The following GSN variants were observed in gnomAD, a reference collection of about 807,000 sequenced individuals.
The protein encoded by GSN is gelsolin.
GSN carries 56 observed loss-of-function variants against 85.7 expected under a neutral mutation model. The ratio of observed to expected loss-of-function variants is 0.65; its 90% confidence interval spans 0.53 to 0.82. The LOEUF (loss-of-function observed/expected upper bound fraction) is 0.82, where lower values mean the gene tolerates loss of function less well. Among genes scored for constraint, GSN ranks in the 40% least tolerant of loss-of-function variants. The pLI is 0.00. For synonymous variants in GSN, 373 were observed against 399.1 expected, an observed-to-expected ratio of 0.93 and a Z score of 0.78; for missense variants, 857 against 979.8, an observed-to-expected ratio of 0.87 and a Z score of 1.67.
Position 121,312,386 on chromosome 9 carries a change from G to A in GSN, c.561G>A (p.Leu187=). 6.2e-7 allele frequency: 1 copy of A among 1,614,120 alleles called. No homozygotes were observed. The highest frequency in any genetic ancestry group is 8.5e-7 in the Non-Finnish European group (1 of 1,179,972). Residue 187 remains leucine, a synonymous_variant, in exon 6 of 18, where the codon CTG becomes CTA. Coordinates refer to ENST00000432226, the MANE Select transcript of GSN (RefSeq NM_198252.3). ...CGSNSNRYER[L]KATQVSKGIR... ...CCAACAGCAATCGGTATGAAAGACT[G>A]AAGGCCACACAGGTGTCCAAGGGCA...
intron 4 of GSN, among the ~76,000 whole-genome samples, chr9:121,229,745 T>C (rs2054351105): frequency 6.6e-6 from 1 of 152,246 alleles, no homozygotes; most frequent in African/African-American, 2.4e-5. Context: ...ATTGTAAAGT[T>C]ACCTATTTAT....
intron 2 of GSN, among the ~76,000 whole-genome samples, chr9:121,293,259 T>C (rs143094188): frequency 5.9e-5 from 9 of 152,268 alleles, no homozygotes; most frequent in Non-Finnish European, 1.3e-4. Context: ...CTTTTTGCTG[T>C]GTGTCTTTTA....
chr9:121,264,457 C>G (rs1473159435), upstream of GSN, among the ~76,000 whole-genome samples: 1 of 152,072 alleles, frequency 6.6e-6, no homozygotes, highest in Non-Finnish European at 1.5e-5. Flanking sequence ...TCAAAAAAAT[C>G]CACAAAAATT....
chr9:121,326,393 C>A, intron 12 of GSN, 119 bp from the exon 13 acceptor site: 2 of 829,482 alleles, frequency 2.4e-6, no homozygotes, highest in Non-Finnish European at 4.0e-6. Context: ...GGGTCACATT[C>A]CATGCCACAC....
At chr9:121,224,182 C>T (rs1222663053) in intron 4 of GSN, among the ~76,000 whole-genome samples, 4 of 151,408 alleles carry the variant, frequency 2.6e-5, no homozygotes, top group South Asian at 2.1e-4. Flanking sequence ...CTGCAACCTC[C>T]GCCTCCCATG....
intron 7 of GSN, among the ~76,000 whole-genome samples, chr9:121,314,592 C>G (rs758140720): frequency 1.3e-5 from 2 of 152,022 alleles, no homozygotes; most frequent in Non-Finnish European, 2.9e-5. Context: ...TCGATTTTCA[C>G]CACTGCCAAA....
chr9:121,208,936 A>G (rs939893361), intron 1 of GSN, among the ~76,000 whole-genome samples: 6 of 152,238 alleles, frequency 3.9e-5, no homozygotes, highest in African/African-American at 1.4e-4. Context: ...GGACCATGAA[A>G]TCTTTCCCAC....
At chr9:121,246,441 G>A (rs76739426) in intron 5 of GSN, among the ~76,000 whole-genome samples, 4,233 of 152,120 alleles carry the variant, frequency 0.028, 205 homozygotes, top group African/African-American at 0.097. Context: ...TAGTTAATGC[G>A]AAAATGAGGC....
intron 4 of GSN, among the ~76,000 whole-genome samples, chr9:121,212,212 A>G (rs1332335844): frequency 6.6e-6 from 1 of 152,206 alleles, no homozygotes; most frequent in African/African-American, 2.4e-5. Flanking sequence ...GCGTTTTCAG[A>G]GCTCACACTG....
intron 1 of GSN, chr9:121,207,979 G>C (rs1412762446): frequency 1.5e-5 from 2 of 132,634 alleles, no homozygotes; most frequent in African/African-American, 5.1e-5. Context: ...TAGAGACAGA[G>C]TTTCTTGATG....
chr9:121,313,972 G>C lies in GSN; in HGVS notation c.702G>C (p.Glu234Asp). 1.2e-6 allele frequency: 2 copies of C among 1,614,200 alleles called. No individual in the cohort carries two copies. Among genetic ancestry groups the C allele is most frequent in the Non-Finnish European group, 1.7e-6 (2 of 1,180,012 alleles). ...AGCCGGCTCTGCCTGCAGGTACCGA[G>C]GACACCGCCAAGGAGGATGCGGCCA... is the stretch of plus-strand genomic sequence containing the variant. ...GPKPALPAGT[E>D]DTAKEDAANR... is the part of the protein sequence containing the mutation. Residue 234 changes from glutamate to aspartate, a missense_variant, in exon 7 of 18, where the codon GAG becomes GAC. Glu to Asp is a conservative substitution (Grantham distance 45). Coordinates refer to ENST00000432226, the MANE Select transcript of GSN (RefSeq NM_198252.3).
At chr9:121,202,701 CAT>C in the GSN span, among the ~76,000 whole-genome samples, 2 of 152,184 alleles carry the variant, frequency 1.3e-5, no homozygotes, top group Non-Finnish European at 2.9e-5. Context: ...ATTTCACACA[CAT>C]GTAAGTTAAA....
rs896666450 is a variant in GSN, at chr9:121,312,505, C to A, written c.663+17C>A. The A allele has an allele frequency of 1.8e-5, 28 of 1,589,844 alleles. No individual in the cohort carries two copies. The highest frequency in any genetic ancestry group is 2.4e-5 in the Non-Finnish European group (28 of 1,163,976). ...ATGCTCCAGGTGCCTGTGGGGTGCG[C>A]AATGGGGTGGCCATGGGGACACGCT... On this transcript the variant is annotated intron_variant, in intron 6 of 17. Transcript: ENST00000432226.
chr9:121,251,011 A>T (rs1379921448), intron 6 of GSN, among the ~76,000 whole-genome samples: 1 of 150,374 alleles, frequency 6.7e-6, no homozygotes, highest in East Asian at 1.9e-4. Context: ...TTTTTTGTAG[A>T]GTTGGGGTTT....
chr9:121,312,292 G>T (rs1304780829), intron 5 of GSN, 47 bp from the exon 6 acceptor site: 1 of 1,609,330 alleles, frequency 6.2e-7, no homozygotes, highest in Non-Finnish European at 8.5e-7. Flanking sequence ...GCTGGGCGGG[G>T]CTTATAGGAA....
At chr9:121,245,787 G>T (rs2132218363) in intron 5 of GSN, among the ~76,000 whole-genome samples, 1 of 152,268 alleles carries the variant, frequency 6.6e-6, no homozygotes, top group South Asian at 2.1e-4. Context: ...AGTTGCCCAG[G>T]CTGGAGTGCA....
At chr9:121,272,120 T>A (rs1233177720) in intron 1 of GSN, among the ~76,000 whole-genome samples, 1 of 152,142 alleles carries the variant, frequency 6.6e-6, no homozygotes, top group Non-Finnish European at 1.5e-5. Context: ...AGTGAGCGTG[T>A]GTCATATTTC....
At chr9:121,306,552 G>A (rs907536953) in intron 4 of GSN, among the ~76,000 whole-genome samples, 1 of 152,182 alleles carries the variant, frequency 6.6e-6, no homozygotes, top group African/African-American at 2.4e-5. Flanking sequence ...TATATAGGTA[G>A]ACAGACACAT....
chr9:121,274,332 A>G (rs1003967761), intron 1 of GSN, among the ~76,000 whole-genome samples: 8 of 152,126 alleles, frequency 5.3e-5, no homozygotes, highest in African/African-American at 1.9e-4. Context: ...GTGTGCCTGT[A>G]CCATGTTCCC....
Sources: allele counts gnomAD v4.1 joint callset (sites outside exome capture counted in the v4.1 genomes callset), GRCh38; gene constraint gnomAD v4.1.1; transcripts MANE v1.5; gene names NCBI Gene and HGNC (gene_info 2026-07-23, HGNC 2026-07-21).